ZNF700: variants seen among roughly 807,000 people sequenced by gnomAD.
ZNF700 encodes the protein zinc finger protein 700.
ZNF700 carries 38 observed loss-of-function variants against 65.3 expected under a neutral mutation model. The ratio of observed to expected loss-of-function variants is 0.58; its 90% CI spans 0.45 to 0.76. The LOEUF is 0.76. ZNF700 is among the 30% of genes least tolerant of loss of function. The pLI is 0.00. For missense variants in ZNF700, 857 were observed against 888.4 expected, an observed-to-expected ratio of 0.96 and a Z score of 0.45; for synonymous variants, 285 against 290.4, an observed-to-expected ratio of 0.98 and a Z score of 0.19.
intron 2 of ZNF700, 34 bp from the exon 3 acceptor site, chr19:11,947,480 G>A (rs1972978325): frequency 6.2e-7 from 1 of 1,608,534 alleles, no homozygotes; most frequent in Non-Finnish European, 8.5e-7. Flanking sequence ...ATTTTATACT[G>A]CTTCAGGACT....
Position 11,948,617 on chromosome 19 carries a change from T to C in ZNF700, c.593T>C (p.Val198Ala). Residue 198 changes from valine (V) to alanine (A), a missense_variant, in exon 4 of 4, where the codon GTC becomes GCC. This residue lies in a region of ZNF700 where 603 missense variants were observed against 619.9 expected (regional missense o/e 0.97). Transcript: ENST00000254321. ...HTGEKPYACK[V>A]CGKTFIFHSS... is the part of the protein sequence containing the mutation. Reference sequence around the variant, plus strand: ...GGAGAGAAACCCTATGCTTGTAAAGTCTGTGGAAAAACCTTTATTTTCCAT... The same window carrying C: ...GGAGAGAAACCCTATGCTTGTAAAGCCTGTGGAAAAACCTTTATTTTCCAT... 6.2e-7 allele frequency: 1 copy of C among 1,607,962 alleles called. No homozygotes were observed. The highest frequency in any genetic ancestry group is 8.5e-7 in the Non-Finnish European group (1 of 1,178,066).
At chr19:11,944,339 G>A (rs1339016503) in intron 1 of ZNF700, among the ~76,000 whole-genome samples, 2 of 152,108 alleles carry the variant, frequency 1.3e-5, no homozygotes, top group Admixed American at 1.3e-4. Flanking sequence ...CACAGGGAGA[G>A]CTTGTACACA....
Position 11,949,778 on chromosome 19 carries a change from C to T in ZNF700, c.1754C>T (p.Thr585Ile). The change falls in exon 4 of 4, where the codon ACT becomes ATT. Residue 585 changes from threonine (T) to isoleucine (I), a missense_variant. Physicochemically the swap from Thr to Ile is moderately conservative, Grantham distance 89 (BLOSUM62 -1). Coordinates refer to ENST00000254321, the MANE Select transcript of ZNF700 (RefSeq NM_144566.3). The part of the protein sequence containing the change: ...SASHLRMHER[T>I]HTGEKPYECK... ...TCACACCTTCGAATGCATGAAAGGA[C>T]TCACACTGGAGAGAAACCCTATGAG... 6.2e-7 allele frequency: 1 copy of T among 1,613,016 alleles called. No individual in the cohort carries two copies. The highest frequency in any genetic ancestry group is 1.3e-5 in the African/African-American group (1 of 74,674).
intron 1 of ZNF700, among the ~76,000 whole-genome samples, chr19:11,943,538 C>T (rs1972916873): frequency 6.6e-6 from 1 of 152,042 alleles, no homozygotes; most frequent in Non-Finnish European, 1.5e-5. Context: ...TAGAAAAGAA[C>T]TAGTTTTTAA....
Position 11,948,671 on chromosome 19 carries a change from A to C in ZNF700, c.647A>C (p.His216Pro). 6.2e-7 allele frequency: 1 copy of C among 1,612,716 alleles called. No homozygotes were observed. The highest frequency in any genetic ancestry group is 1.1e-5 in the South Asian group (1 of 90,818). ...AGCATTCGAAGACACATGGTAATGC[A>C]CAGTGGGGATGGAACTTATAAATGT... ...HSSIRRHMVMHSGDGTYKCKF... is the reference protein window; with the variant it reads ...HSSIRRHMVMPSGDGTYKCKF... Residue 216 changes from histidine (H) to proline (P), a missense_variant, in exon 4 of 4, where the codon CAC becomes CCC. His to Pro is a moderately conservative substitution (Grantham distance 77). Coordinates refer to ENST00000254321, the MANE Select transcript of ZNF700 (RefSeq NM_144566.3).
At chr19:11,926,049 T>G (rs1599275036) in intron 1 of ZNF700, among the ~76,000 whole-genome samples, 1 of 151,754 alleles carries the variant, frequency 6.6e-6, no homozygotes, top group South Asian at 2.1e-4. Flanking sequence ...TGGTTGAGAG[T>G]GTGAAGTTTG....
Position 11,948,357 on chromosome 19 carries a change from A to G in ZNF700, c.333A>G (p.Arg111=), listed in dbSNP as rs1217432333. 4 of 1,613,856 alleles carry G rather than the reference A, an allele frequency of 2.5e-6. No individual in the cohort carries two copies. The highest frequency in any genetic ancestry group is 3.4e-6 in the Non-Finnish European group (4 of 1,179,866). ...CTTTTACCCAGGTTCCAGATGACAGACTGAACTTCCAGGAGAAGAAAGCTT... is the reference window on the plus strand; with the variant it reads ...CTTTTACCCAGGTTCCAGATGACAGGCTGAACTTCCAGGAGAAGAAAGCTT... ...GETFTQVPDD[R]LNFQEKKASP... Residue 111 remains arginine (R), a synonymous_variant, in exon 4 of 4, where the codon AGA becomes AGG. Coordinates refer to ENST00000254321, the MANE Select transcript of ZNF700 (RefSeq NM_144566.3).
At position 11,947,755 on chromosome 19, in the gene ZNF700, C is replaced by G. The variant is rs1042511234; in HGVS notation, c.251+181C>G. On this transcript the variant is annotated intron_variant, in intron 3 of 3. Coordinates refer to ENST00000254321, the MANE Select transcript of ZNF700 (RefSeq NM_144566.3). The stretch of plus-strand genomic sequence containing the variant: ...GGCTGAGGGCTCACTCCTGTAATCC[C>G]AGTCCTTTGAGAAGTGGAGATAGGA... Among the ~76,000 whole-genome samples, 18 of 152,182 alleles carry G rather than the reference C, an allele frequency of 1.2e-4. 1 individual carries two copies. The highest frequency in any genetic ancestry group is 2.9e-5 in the Non-Finnish European group (2 of 68,034).
Position 11,948,323 on chromosome 19 carries a change from G to T in ZNF700, c.299G>T (p.Cys100Phe), listed in dbSNP as rs139993972. ...AATGAAATTAAAGAAGACAGTCATT[G>T]TGGAGAAACTTTTACCCAGGTTCCA... ...KVNEIKEDSHCGETFTQVPDD... is the reference protein window; with the variant it reads ...KVNEIKEDSHFGETFTQVPDD... The change falls in exon 4 of 4, where the codon TGT (cysteine) becomes TTT (phenylalanine). Residue 100 changes from cysteine (C) to phenylalanine (F), a missense_variant. Cys to Phe is a radical substitution (Grantham distance 205). This residue lies in a region of ZNF700 where 603 missense variants were observed against 619.9 expected (regional missense o/e 0.97). Transcript: ENST00000254321. 1,185 of 1,613,730 alleles carry T rather than the reference G, an allele frequency of 7.3e-4. No individual in the cohort carries two copies. The highest frequency in any genetic ancestry group is 9.7e-4 in the Non-Finnish European group (1,142 of 1,179,842).
At chr19:11,943,480 G>C (rs1972915843) in intron 1 of ZNF700, among the ~76,000 whole-genome samples, 1 of 152,100 alleles carries the variant, frequency 6.6e-6, no homozygotes, top group South Asian at 2.1e-4. Context: ...CATGTAAATG[G>C]GGGTCTCTTT....
intron 1 of ZNF700, among the ~76,000 whole-genome samples, chr19:11,938,122 G>A (rs1471819410): frequency 6.6e-6 from 1 of 151,998 alleles, no homozygotes; most frequent in African/African-American, 2.4e-5. Context: ...AGGCTGGAGT[G>A]CAGTGGCATG....
At chr19:11,937,714 T>C (rs971778925) in intron 1 of ZNF700, among the ~76,000 whole-genome samples, 7 of 151,986 alleles carry the variant, frequency 4.6e-5, no homozygotes, top group African/African-American at 1.7e-4. Context: ...GGTCTCGATC[T>C]CCTGACCTCA....
intron 1 of ZNF700, among the ~76,000 whole-genome samples, chr19:11,940,372 T>C (rs1972861947): frequency 1.3e-5 from 2 of 152,148 alleles, no homozygotes; most frequent in Non-Finnish European, 2.9e-5. Flanking sequence ...GTCTGGAGTT[T>C]GTTCCTTCTG....
At chr19:11,944,550 T>C (rs573966159) in intron 1 of ZNF700, among the ~76,000 whole-genome samples, 1 of 152,288 alleles carries the variant, frequency 6.6e-6, no homozygotes, top group South Asian at 2.1e-4. Context: ...AGTTCAAACC[T>C]AGGAATAAGA....
intron 1 of ZNF700, among the ~76,000 whole-genome samples, chr19:11,930,069 G>A (rs1326762654): frequency 1.4e-5 from 2 of 148,094 alleles, no homozygotes; most frequent in East Asian, 3.9e-4. Context: ...GGGTATCTGT[G>A]CCTAGGGGAG....
At chr19:11,946,901 G>T in intron 1 of ZNF700, 1 of 424,332 alleles carries the variant, frequency 2.4e-6, no homozygotes, top group Non-Finnish European at 3.8e-6. Context: ...TCGGGAGGCT[G>T]AGGCAGGAGA....
intron 1 of ZNF700, among the ~76,000 whole-genome samples, chr19:11,941,283 C>T (rs992756488): frequency 2.1e-4 from 32 of 152,262 alleles, no homozygotes; most frequent in African/African-American, 5.1e-4. Flanking sequence ...GCCAGTCCCG[C>T]GCCATGCGCC....
At position 11,925,130 on chromosome 19, in the gene ZNF700, C is replaced by T; in HGVS notation, c.-81C>T. ...TTCCTCACCTTCCTCGCTGCGCGGG[C>T]GGCGGTTGGTAACCGGTCAGACCAG... On this transcript the variant is annotated 5_prime_UTR_variant, in exon 1 of 4. Coordinates refer to ENST00000254321, the MANE Select transcript of ZNF700 (RefSeq NM_144566.3). The T allele has an allele frequency of 1.0e-5, 16 of 1,546,608 alleles. No homozygotes were observed. Among genetic ancestry groups the T allele is most frequent in the African/African-American group, 6.9e-5 (5 of 72,936 alleles).
intron 1 of ZNF700, among the ~76,000 whole-genome samples, chr19:11,940,658 A>C (rs1253716364): frequency 1.3e-5 from 2 of 152,164 alleles, no homozygotes; most frequent in Non-Finnish European, 1.5e-5. Flanking sequence ...AAGCTTCCAC[A>C]GTGTGGAAGG....
Sources: gnomAD v4.1 joint callset for allele counts (sites outside exome capture counted in the v4.1 genomes callset) on GRCh38, gnomAD v4.1.1 for gene constraint, gnomAD v4.1.1 regional missense constraint, MANE v1.5 for transcripts, NCBI Gene and HGNC (gene_info 2026-07-23, HGNC 2026-07-21) for gene names.